CTXND1: variants seen among roughly 807,000 people sequenced by gnomAD.
CTXND1 encodes the protein cortexin domain containing 1.
rs1243049721 is a variant in CTXND1 at position 80,196,214 on chromosome 15, G to T, written c.*5556C>A. The T allele has an allele frequency of 6.6e-6, 1 of 152,210 alleles. No homozygotes were observed. Among genetic ancestry groups the T allele is most frequent in the African/African-American group, 2.4e-5 (1 of 41,440 alleles). The allele number at this position is 152,210 out of a possible 1,614,324, so 9.4% of individuals were successfully genotyped here. A position where few individuals can be genotyped will look rare whatever the true frequency, so the allele number is the denominator to read the frequency against. On this transcript the variant is annotated 3_prime_UTR_variant, in exon 3 of 3. Coordinates refer to ENST00000560778, the MANE Select transcript of CTXND1 (RefSeq NM_001352888.2). Reference sequence around the variant, plus strand: ...CCATCCGTGGACCATAGTTTGAGTAGTGTTGCCCTAGAGCACCTGCTATTC... The same window carrying T: ...CCATCCGTGGACCATAGTTTGAGTATTGTTGCCCTAGAGCACCTGCTATTC...
At chr15:80,204,169 A>AAAATATATATATAT (rs1555443860) in intron 1 of CTXND1, among the ~76,000 whole-genome samples, 1 of 65,196 alleles carries the variant, frequency 1.5e-5, no homozygotes, top group African/African-American at 7.7e-5. Context: ...AAAAAAAAAA[A>AAAATATATATATAT]ATATATATAT....
chr15:80,229,187 G>T (rs971500146), intron 1 of CTXND1, among the ~76,000 whole-genome samples: 4 of 152,154 alleles, frequency 2.6e-5, no homozygotes, highest in African/African-American at 9.7e-5. Flanking sequence ...CCTGGCTCCT[G>T]TTTCTTTCCC....
intron 1 of CTXND1, among the ~76,000 whole-genome samples, chr15:80,219,422 C>A (rs1435775901): frequency 2.0e-5 from 3 of 152,136 alleles, no homozygotes; most frequent in Non-Finnish European, 2.9e-5. Context: ...TTGTTCACTG[C>A]TCATTTCTTC....
chr15:80,228,844 G>A (rs903827572), intron 1 of CTXND1, among the ~76,000 whole-genome samples: 4 of 151,996 alleles, frequency 2.6e-5, no homozygotes. Flanking sequence ...TGGGCAGGCT[G>A]GTCTTGAACT....
Position 80,197,358 on chromosome 15 carries a change from C to A in CTXND1, c.*4412G>T, listed in dbSNP as rs766388151. The A allele has an allele frequency of 6.6e-6, 1 of 152,252 alleles. No individual in the cohort carries two copies. Among genetic ancestry groups the A allele is most frequent in the Non-Finnish European group, 1.5e-5 (1 of 68,090 alleles). The allele number at this position is 152,252 out of a possible 1,614,324, so 9.4% of individuals were successfully genotyped here. A position where few individuals can be genotyped will look rare whatever the true frequency, so the allele number is the denominator to read the frequency against. On this transcript the variant is annotated 3_prime_UTR_variant, in exon 3 of 3. Transcript: ENST00000560778. ...GTGCTGAGATTACAGACATGAGCTA[C>A]CTTGCCTTGTCATCCCTGGGTGTTT... is the stretch of plus-strand genomic sequence containing the variant.
chr15:80,220,195 A>G (rs1595906153), intron 1 of CTXND1, among the ~76,000 whole-genome samples: 1 of 151,622 alleles, frequency 6.6e-6, no homozygotes, highest in African/African-American at 2.4e-5. Flanking sequence ...CTATATTAGA[A>G]TTCTACAACT....
intron 1 of CTXND1, among the ~76,000 whole-genome samples, chr15:80,251,728 C>T (rs1312867388): frequency 5.9e-5 from 9 of 151,458 alleles, no homozygotes; most frequent in African/African-American, 1.9e-4. Flanking sequence ...ACGCGGCTCC[C>T]GTGCGGCTCC....
chr15:80,232,026 G>A (rs1057080949), intron 1 of CTXND1, among the ~76,000 whole-genome samples: 1 of 152,098 alleles, frequency 6.6e-6, no homozygotes, highest in Admixed American at 6.6e-5. Flanking sequence ...GTGGGACCTG[G>A]CCATGGGGAT....
intron 1 of CTXND1, among the ~76,000 whole-genome samples, chr15:80,250,640 T>G (rs1218721031): frequency 3.9e-5 from 6 of 152,212 alleles, no homozygotes; most frequent in Non-Finnish European, 7.3e-5. Context: ...TTTGGATAAA[T>G]GTAAAGTCAT....
chr15:80,207,744 G>A (rs1893165279), intron 1 of CTXND1, among the ~76,000 whole-genome samples: 1 of 152,172 alleles, frequency 6.6e-6, no homozygotes, highest in South Asian at 2.1e-4. Flanking sequence ...ATTCAATAAG[G>A]GGCTAAGCCC....
At chr15:80,208,901 G>A (rs1262470662) in intron 1 of CTXND1, among the ~76,000 whole-genome samples, 2 of 152,318 alleles carry the variant, frequency 1.3e-5, no homozygotes, top group Non-Finnish European at 2.9e-5. Context: ...TGCATTCCAC[G>A]TAGTCATTTA....
In CTXND1 at chr15:80,239,838, A is replaced by G. The variant is rs547874984; in HGVS notation, c.-218+12169T>C. Among the ~76,000 whole-genome samples the G allele has an allele frequency of 7.9e-5, 12 of 152,214 alleles. No homozygotes were observed. In the East Asian group the frequency reaches 9.7e-4, roughly 12 times the overall value. On this transcript the variant is annotated intron_variant, in intron 1 of 2. Coordinates refer to ENST00000560778, the MANE Select transcript of CTXND1 (RefSeq NM_001352888.2). ...GCCTCCCTGTCTCCTTGTGATGTCT[A>G]TGGTATTTTTATCTTGTTTGACTGT...
intron 1 of CTXND1, among the ~76,000 whole-genome samples, chr15:80,220,475 G>A (rs552121798): frequency 1.3e-5 from 2 of 152,224 alleles, no homozygotes; most frequent in East Asian, 3.9e-4. Context: ...AATACATCTT[G>A]TTATATGCTA....
intron 1 of CTXND1, among the ~76,000 whole-genome samples, chr15:80,207,101 T>C (rs1043475199): frequency 6.6e-6 from 1 of 152,222 alleles, no homozygotes; most frequent in African/African-American, 2.4e-5. Flanking sequence ...TGTGTGGTTT[T>C]CTCTGGATTT....
chr15:80,244,158 T>A (rs1893602715), intron 1 of CTXND1, among the ~76,000 whole-genome samples: 1 of 152,148 alleles, frequency 6.6e-6, no homozygotes, highest in African/African-American at 2.4e-5. Flanking sequence ...CTCTTTAGAG[T>A]CCTTGAAACT....
chr15:80,251,326 G>A (rs1595912480), intron 1 of CTXND1, among the ~76,000 whole-genome samples: 1 of 152,100 alleles, frequency 6.6e-6, no homozygotes, highest in Admixed American at 6.5e-5. Context: ...CCACTGATAC[G>A]GAAAAATATA....
intron 1 of CTXND1, among the ~76,000 whole-genome samples, chr15:80,208,888 G>A (rs1893177033): frequency 6.6e-6 from 1 of 152,206 alleles, no homozygotes; most frequent in African/African-American, 2.4e-5. Context: ...GGGCCCTGCA[G>A]TGTGCATTCC....
At chr15:80,219,856 T>C (rs1166045411) in intron 1 of CTXND1, among the ~76,000 whole-genome samples, 1 of 152,222 alleles carries the variant, frequency 6.6e-6, no homozygotes, top group African/African-American at 2.4e-5. Context: ...TTTCTCTTTC[T>C]CGTTTGTCTT....
At chr15:80,230,822 C>T (rs75253010) in intron 1 of CTXND1, among the ~76,000 whole-genome samples, 2,160 of 152,184 alleles carry the variant, frequency 0.014, 36 homozygotes, top group African/African-American at 0.038. Context: ...TCCAAGGACG[C>T]TGAGGCAGGT....
Sources: gnomAD v4.1 joint callset for allele counts (sites outside exome capture counted in the v4.1 genomes callset) on GRCh38, gnomAD v4.1.1 for gene constraint, MANE v1.5 for transcripts, NCBI Gene and HGNC (gene_info 2026-07-23, HGNC 2026-07-21) for gene names.